LRRC19: variants seen among roughly 807,000 people sequenced by gnomAD.
The protein encoded by LRRC19 is leucine-rich repeat-containing protein 19.
LRRC19 carries 33 observed loss-of-function variants against 33.3 expected under a neutral mutation model. The ratio of observed to expected loss-of-function variants is 0.99; its 90% CI spans 0.75 to 1.33. The LOEUF is 1.33. LRRC19 is among the 40% of genes most tolerant of loss of function. LRRC19 has a pLI of 0.00. For missense variants in LRRC19, 463 were observed against 417.3 expected, an observed-to-expected ratio of 1.11 and a Z score of -0.95; for synonymous variants, 184 against 152.3, an observed-to-expected ratio of 1.21 and a Z score of -1.53.
rs1828242078 is a variant in LRRC19, at chr9:26,997,767, T to C, written c.556A>G (p.Asn186Asp). 2.5e-6 allele frequency: 4 copies of C among 1,611,134 alleles called. No individual in the cohort carries two copies. In the African/African-American group the frequency reaches 5.4e-5, roughly 22 times the overall value. ...NLWNCSCSLF[N>D]LQNWLNTSNV... ...GATGTGTTCAACCAGTTCTGCAAAT[T>C]AAATAGACTGCAAGAGCAGTTCCAT... Residue 186 changes from asparagine (N) to aspartate (D), a missense_variant, in exon 3 of 5, where the codon AAT becomes GAT. Transcript: ENST00000380055.
rs150104643 is a variant in LRRC19, at chr9:27,004,596, T to C, written c.-10+996A>G. ...ACGCAGAATAGCTGGCCAAGTAGAT[T>C]ATGCAGAAATTATCCATCAGTCAGT... On this transcript the variant is annotated intron_variant, in intron 1 of 4. Transcript: ENST00000380055. Among the ~76,000 whole-genome samples the C allele has an allele frequency of 2.0e-5, 3 of 152,344 alleles. No individual in the cohort carries two copies. In the East Asian group the frequency reaches 5.8e-4, roughly 29 times the overall value.
At chr9:27,003,204 T>C (rs1412627780) in intron 1 of LRRC19, among the ~76,000 whole-genome samples, 3 of 151,270 alleles carry the variant, frequency 2.0e-5, no homozygotes, top group African/African-American at 7.3e-5. Context: ...ATTTAGGGTT[T>C]GTTTTTTTTT....
intron 1 of LRRC19, among the ~76,000 whole-genome samples, chr9:27,000,005 G>A (rs1048423134): frequency 2.0e-5 from 3 of 151,988 alleles, no homozygotes; most frequent in African/African-American, 7.2e-5. Context: ...TCCTGGGTGC[G>A]AGCCATTTCC....
Position 26,997,330 on chromosome 9 carries a change from C to CTT in LRRC19, c.595+396_595+397dup, listed in dbSNP as rs773530183. On this transcript the variant is annotated intron_variant, in intron 3 of 4. Coordinates refer to ENST00000380055, the MANE Select transcript of LRRC19 (RefSeq NM_022901.3). ...GCTTAAACAGAAATTGTTTCCTTTCCTTTTTTTTTTTTTTTTTTTTTGAGA... is the reference window on the plus strand; with the variant it reads ...GCTTAAACAGAAATTGTTTCCTTTCCTTTTTTTTTTTTTTTTTTTTTTTGAGA... 2.9e-3 allele frequency among the ~76,000 whole-genome samples: 359 copies of CTT among 123,590 alleles called. 3 individuals are homozygous for CTT. Among genetic ancestry groups the CTT allele is most frequent in the East Asian group, 0.011 (38 of 3,450 alleles). The allele number at this position is 123,590 out of a possible 152,430, so 81.1% of individuals were successfully genotyped here. A position where few individuals can be genotyped will look rare whatever the true frequency, so the allele number is the denominator to read the frequency against.
chr9:26,997,330 CTTT>C (rs773530183), intron 3 of LRRC19, among the ~76,000 whole-genome samples: 12 of 123,582 alleles, frequency 9.7e-5, no homozygotes, highest in African/African-American at 2.1e-4. Context: ...GTTTCCTTTC[CTTT>C]TTTTTTTTTT....
Position 26,997,251 on chromosome 9 carries a change from T to TG in LRRC19, c.595+476dup, listed in dbSNP as rs1828207005. Among the ~76,000 whole-genome samples the TG allele has an allele frequency of 1.5e-4, 22 of 151,418 alleles. 1 individual carries two copies. In the South Asian group the frequency reaches 4.6e-3, roughly 32 times the overall value. On this transcript the variant is annotated intron_variant, in intron 3 of 4. Transcript: ENST00000380055. ...ATTTCTTAATTTTTCCCCCTGGTAA[T>TG]GGGGAAGGAGAGCATCTATGCAGCT...
chr9:26,997,829 AGTG>A lies in LRRC19; in HGVS notation c.491_493del (p.Pro164del). The stretch of plus-strand genomic sequence containing the variant: ...TAAAGTTATTAATTCCAGATGAAAT[AGTG>A]GTGGTACATCCAAATAGCTAATCAA... On this transcript the variant is annotated inframe_deletion, in exon 3 of 5. Transcript: ENST00000380055. The A allele has an allele frequency of 1.2e-6, 2 of 1,614,214 alleles. No homozygotes were observed. The highest frequency in any genetic ancestry group is 2.7e-5 in the African/African-American group (2 of 75,084).
rs781405553 is a variant in LRRC19, at chr9:26,997,911, C to T, written c.412G>A (p.Ala138Thr). The change falls in exon 3 of 5, where the codon GCT (alanine) becomes ACT (threonine). Residue 138 changes from alanine (A) to threonine (T), a missense_variant. Physicochemically the swap from Ala to Thr is moderately conservative, Grantham distance 58 (BLOSUM62 0). Coordinates refer to ENST00000380055, the MANE Select transcript of LRRC19 (RefSeq NM_022901.3). ...CTTCTTAGAGGCACAAATACATCAG[C>T]ATTCAGTTGTTCTATTTTGTTTTGG... ...LCQNKIEQLN[A>T]DVFVPLRSLK... is the part of the protein sequence containing the mutation. 2.5e-6 allele frequency: 4 copies of T among 1,613,928 alleles called. No individual in the cohort carries two copies. Among genetic ancestry groups the T allele is most frequent in the African/African-American group, 2.7e-5 (2 of 74,924 alleles).
At chr9:26,999,120 C>A (rs1828334593) in intron 2 of LRRC19, among the ~76,000 whole-genome samples, 1 of 151,954 alleles carries the variant, frequency 6.6e-6, no homozygotes, top group African/African-American at 2.4e-5. Flanking sequence ...AGAAATGGAG[C>A]CAGGTATTGA....
intron 1 of LRRC19, among the ~76,000 whole-genome samples, chr9:27,004,555 A>G (rs1372004756): frequency 1.3e-5 from 2 of 152,250 alleles, no homozygotes; most frequent in African/African-American, 2.4e-5. Context: ...GTGTCTTTAA[A>G]AAAAGAAAAT....
intron 1 of LRRC19, among the ~76,000 whole-genome samples, chr9:27,003,133 AT>A (rs1828587572): frequency 6.6e-6 from 1 of 151,772 alleles, no homozygotes; most frequent in African/African-American, 2.4e-5. Context: ...TTATATGATG[AT>A]TTTATATCTT....
chr9:26,996,736 A>G (rs1322511739), intron 3 of LRRC19, among the ~76,000 whole-genome samples: 2 of 152,134 alleles, frequency 1.3e-5, no homozygotes. Flanking sequence ...ATTAGTGTAG[A>G]TTTTATTATT....
In LRRC19 at chr9:26,995,495, C is replaced by CTTA. The variant is rs1281349087; in HGVS notation, c.*25_*26insTAA. ...TAAACTGAGTGAGCTGATAACTTTG[C>CTTA]TTTAAAAAGCAAACTTTGAAAGAAA... On this transcript the variant is annotated 3_prime_UTR_variant, in exon 5 of 5. Transcript: ENST00000380055. 7.1e-7 allele frequency: 1 copy of CTTA among 1,406,604 alleles called. No homozygotes were observed. Among genetic ancestry groups the CTTA allele is most frequent in the African/African-American group, 1.4e-5 (1 of 69,490 alleles). The allele number at this position is 1,406,604 out of a possible 1,614,324, so 87.1% of individuals were successfully genotyped here.
rs1828096979 is a variant in LRRC19 at position 26,995,496 on chromosome 9, T to C, written c.*25A>G. On this transcript the variant is annotated 3_prime_UTR_variant, in exon 5 of 5. Transcript: ENST00000380055. Reference sequence around the variant, plus strand: ...AAACTGAGTGAGCTGATAACTTTGCTTTAAAAAGCAAACTTTGAAAGAAAT... The same window carrying C: ...AAACTGAGTGAGCTGATAACTTTGCCTTAAAAAGCAAACTTTGAAAGAAAT... The C allele has an allele frequency of 7.0e-7, 1 of 1,424,604 alleles. No homozygotes were observed. Among genetic ancestry groups the C allele is most frequent in the East Asian group, 2.4e-5 (1 of 40,910 alleles). The allele number at this position is 1,424,604 out of a possible 1,614,324, so 88.2% of individuals were successfully genotyped here. A position where few individuals can be genotyped will look rare whatever the true frequency, so the allele number is the denominator to read the frequency against.
At chr9:27,001,734 G>C (rs940272101) in intron 1 of LRRC19, among the ~76,000 whole-genome samples, 6 of 151,872 alleles carry the variant, frequency 4.0e-5, no homozygotes, top group African/African-American at 1.2e-4. Flanking sequence ...TTTTTAGATG[G>C]GTAGTTTGCA....
chr9:26,998,180 T>C lies in LRRC19; in HGVS notation c.143A>G (p.Asp48Gly). The change falls in exon 3 of 5, where the codon GAT (aspartate) becomes GGT (glycine). Residue 48 changes from aspartate (D) to glycine (G), a missense_variant. Transcript: ENST00000380055. Reference sequence around the variant, plus strand: ...ATAACTGAGATCAAGTATAGTAACATCTTTCTTGATATCTGCTGGAATCAA... The same window carrying C: ...ATAACTGAGATCAAGTATAGTAACACCTTTCTTGATATCTGCTGGAATCAA... ...YTLIPADIKK[D>G]VTILDLSYNQ... is the part of the protein sequence containing the mutation. The C allele has an allele frequency of 6.4e-7, 1 of 1,571,456 alleles. No individual in the cohort carries two copies. Among genetic ancestry groups the C allele is most frequent in the Non-Finnish European group, 8.7e-7 (1 of 1,153,078 alleles).
At chr9:26,996,216 T>C (rs1049903106) in intron 4 of LRRC19, 95 bp downstream of exon 4, 13 of 806,376 alleles carry the variant, frequency 1.6e-5, no homozygotes, top group Admixed American at 6.9e-5. Context: ...ATCTTTCTTT[T>C]ACATTTTTTA....
rs1828075126 is a variant in LRRC19 at position 26,995,162 on chromosome 9, C to G, written c.*359G>C. The G allele has an allele frequency of 6.4e-6, 1 of 157,170 alleles. No homozygotes were observed. Among genetic ancestry groups the G allele is most frequent in the African/African-American group, 2.4e-5 (1 of 41,550 alleles). 9.7% of individuals were successfully genotyped at this position (157,170 alleles called of 1,614,324 possible). A position where few individuals can be genotyped will look rare whatever the true frequency, so the allele number is the denominator to read the frequency against. ...ACTTTTATTTCTTTACTGATTGAAACATTAGTATAACTTAATACATATTAT... is the reference window on the plus strand; with the variant it reads ...ACTTTTATTTCTTTACTGATTGAAAGATTAGTATAACTTAATACATATTAT... On this transcript the variant is annotated 3_prime_UTR_variant, in exon 5 of 5. Transcript: ENST00000380055.
At chr9:27,001,468 C>A (rs536528259) in intron 1 of LRRC19, among the ~76,000 whole-genome samples, 5 of 152,044 alleles carry the variant, frequency 3.3e-5, no homozygotes. Flanking sequence ...CACCAGCATC[C>A]GTTATTGCCT....
Sources: allele counts gnomAD v4.1 joint callset (sites outside exome capture counted in the v4.1 genomes callset), GRCh38; gene constraint gnomAD v4.1.1; transcripts MANE v1.5; gene names NCBI Gene and HGNC (gene_info 2026-07-23, HGNC 2026-07-21).